Variants in KLHDC8A observed in about 807,000 individuals in gnomAD.
KLHDC8A encodes the protein kelch domain-containing protein 8A.
KLHDC8A carries 21 observed loss-of-function variants against 33.1 expected under a neutral mutation model. The observed-to-expected ratio is 0.64, with a 90% CI of 0.45 to 0.91. KLHDC8A has a LOEUF of 0.91. KLHDC8A is among the 40% of genes least tolerant of loss of function. KLHDC8A has a pLI of 0.00. For synonymous variants in KLHDC8A, 173 were observed against 193.5 expected, an observed-to-expected ratio of 0.89 and a Z score of 0.88; for missense variants, 435 against 483.3, an observed-to-expected ratio of 0.90 and a Z score of 0.94.
chr1:205,349,765 C>A (rs370405640), intron 1 of KLHDC8A, among the ~76,000 whole-genome samples: 1 of 152,196 alleles, frequency 6.6e-6, no homozygotes, highest in African/African-American at 2.4e-5. Flanking sequence ...GGCCACGGAG[C>A]TGCCTCCTGT....
In KLHDC8A at chr1:205,343,469, T is replaced by C. The variant is rs1558686368; in HGVS notation, c.136A>G (p.Met46Val). The C allele has an allele frequency of 1.2e-6, 2 of 1,613,546 alleles. No homozygotes were observed. The highest frequency in any genetic ancestry group is 8.5e-7 in the Non-Finnish European group (1 of 1,179,878). Residue 46 changes from methionine to valine, a missense_variant, in exon 2 of 6, where the codon ATG becomes GTG. Met to Val is a conservative substitution (Grantham distance 21, BLOSUM62 1). Transcript: ENST00000367155. Reference protein sequence around the residue: ...IGGCDDNGVPMDCFEVYSPEA... With the variant: ...IGGCDDNGVPVDCFEVYSPEA... Reference sequence around the variant, plus strand: ...GGGGAGTAGACCTCGAAGCAGTCCATGGGGACGCCGTTGTCGTCACATCCC... The same window carrying C: ...GGGGAGTAGACCTCGAAGCAGTCCACGGGGACGCCGTTGTCGTCACATCCC...
chr1:205,356,623 T>C lies in KLHDC8A; in HGVS notation c.-280A>G, dbSNP rs911128755. 1 of 455,776 alleles carries C rather than the reference T, an allele frequency of 2.2e-6. No individual in the cohort carries two copies. The highest frequency in any genetic ancestry group is 7.0e-5 in the East Asian group (1 of 14,386). 28.2% of individuals were successfully genotyped at this position (455,776 alleles called of 1,614,324 possible). On this transcript the variant is annotated 5_prime_UTR_variant, in exon 1 of 6. Transcript: ENST00000367155. ...GGGAGAGGGTCGAGCGGGTGTTGGC[T>C]CTGAGGCTTGTCCTAGGAGCTGGCT...
chr1:205,355,992 T>G (rs1052934121), intron 1 of KLHDC8A, among the ~76,000 whole-genome samples: 43 of 152,166 alleles, frequency 2.8e-4, no homozygotes, highest in African/African-American at 1.0e-3. Context: ...AAGGGTGTAT[T>G]TCGTGTTGCT....
intron 1 of KLHDC8A, among the ~76,000 whole-genome samples, chr1:205,352,299 G>A (rs755268512): frequency 1.4e-4 from 22 of 152,132 alleles, no homozygotes; most frequent in Non-Finnish European, 2.1e-4. Flanking sequence ...CAGGTCACTG[G>A]GGCAGGACCT....
At chr1:205,352,400 C>T (rs185510992) in intron 1 of KLHDC8A, among the ~76,000 whole-genome samples, 174 of 152,272 alleles carry the variant, frequency 1.1e-3, no homozygotes, top group Non-Finnish European at 2.2e-3. Flanking sequence ...CACATACACA[C>T]ACCCCTTGTT....
chr1:205,346,270 C>T (rs1662944326), intron 1 of KLHDC8A, among the ~76,000 whole-genome samples: 1 of 152,188 alleles, frequency 6.6e-6, no homozygotes, highest in Non-Finnish European at 1.5e-5. Flanking sequence ...CTAGGAGTCT[C>T]TATCTGCCTG....
rs946358017 is a variant in KLHDC8A at position 205,353,749 on chromosome 1, G to A, written c.-190+2784C>T. Among the ~76,000 whole-genome samples the A allele has an allele frequency of 5.9e-5, 9 of 152,090 alleles. 1 individual carries two copies. Among genetic ancestry groups the A allele is most frequent in the Admixed American group, 3.3e-4 (5 of 15,256 alleles). ...CACCGTGGCAATGTTAAGTTGACAC[G>A]GCAATATCTAGTGGCAATAAAAGGA... On this transcript the variant is annotated intron_variant, in intron 1 of 5. Coordinates refer to ENST00000367155, the MANE Select transcript of KLHDC8A (RefSeq NM_018203.3).
chr1:205,337,646 G>A (rs1662672881), intron 5 of KLHDC8A, 54 bp from the exon 6 acceptor site: 1 of 1,389,820 alleles, frequency 7.2e-7, no homozygotes, highest in Non-Finnish European at 1.0e-6. Context: ...ACCAATCCAT[G>A]CCCCACGGTC....
At chr1:205,350,395 G>A (rs1463057572) in intron 1 of KLHDC8A, among the ~76,000 whole-genome samples, 2 of 152,254 alleles carry the variant, frequency 1.3e-5, no homozygotes, top group Middle Eastern at 3.4e-3. Flanking sequence ...AAGAGCTCAG[G>A]TCATCCCGAC....
chr1:205,343,979 C>G (rs1293480000), intron 1 of KLHDC8A, among the ~76,000 whole-genome samples, 186 bp from the exon 2 acceptor site: 2 of 152,198 alleles, frequency 1.3e-5, no homozygotes, highest in African/African-American at 4.8e-5. Flanking sequence ...TGCTCGGACA[C>G]TGCCGAAGCA....
Position 205,343,532 on chromosome 1 carries a change from A to G in KLHDC8A, c.73T>C (p.Ser25Pro). Reference sequence around the variant, plus strand: ...ACCTGGCCCCCGGTCTCCAGCAGGGAGCAGTAGACCCGGCGGCTGGGCAGT... The same window carrying G: ...ACCTGGCCCCCGGTCTCCAGCAGGGGGCAGTAGACCCGGCGGCTGGGCAGT... ...APLPSRRVYC[S>P]LLETGGQVYA... is the part of the protein sequence containing the mutation. The change falls in exon 2 of 6, where the codon TCC (serine) becomes CCC (proline). Residue 25 changes from serine to proline, a missense_variant. Ser to Pro is a moderately conservative substitution (Grantham distance 74). Transcript: ENST00000367155. 6.2e-7 allele frequency: 1 copy of G among 1,613,018 alleles called. No individual in the cohort carries two copies. The highest frequency in any genetic ancestry group is 8.5e-7 in the Non-Finnish European group (1 of 1,179,664).
At chr1:205,352,549 C>T (rs528051553) in intron 1 of KLHDC8A, among the ~76,000 whole-genome samples, 31 of 152,200 alleles carry the variant, frequency 2.0e-4, no homozygotes, top group Non-Finnish European at 3.7e-4. Context: ...TGCCATCTGG[C>T]GTGCTGACCT....
In KLHDC8A at chr1:205,343,229, C is replaced by T; in HGVS notation, c.376G>A (p.Asp126Asn). Residue 126 changes from aspartate (D) to asparagine (N), a missense_variant and splice_region_variant, in exon 2 of 6, where the codon GAT (aspartate) becomes AAT (asparagine). Transcript: ENST00000367155. ...CGCCCTCAGCCCTGGCCCCACTTGC[C>T]TTTGGCCGTGACAGAAATGCCCATG... ...AAMGISVTAKDYRVYAAGGMG... is the reference protein window; with the variant it reads ...AAMGISVTAKNYRVYAAGGMG... 1.3e-6 allele frequency: 2 copies of T among 1,583,380 alleles called. No individual in the cohort carries two copies. The highest frequency in any genetic ancestry group is 2.3e-5 in the East Asian group (1 of 44,316).
At chr1:205,353,012 T>C (rs1663161649) in intron 1 of KLHDC8A, among the ~76,000 whole-genome samples, 1 of 152,214 alleles carries the variant, frequency 6.6e-6, no homozygotes, top group African/African-American at 2.4e-5. Context: ...TCCTCTCTAG[T>C]CCTGGCCCAG....
chr1:205,355,971 A>T (rs1663256146), intron 1 of KLHDC8A, among the ~76,000 whole-genome samples: 3 of 152,196 alleles, frequency 2.0e-5, no homozygotes, highest in Admixed American at 2.0e-4. Flanking sequence ...GCATGTGCGC[A>T]GGTTTGTCAC....
intron 1 of KLHDC8A, among the ~76,000 whole-genome samples, chr1:205,347,173 T>C (rs1160251739): frequency 6.6e-6 from 1 of 152,210 alleles, no homozygotes; most frequent in Non-Finnish European, 1.5e-5. Context: ...GCTTGTAACC[T>C]AGCAACTGCC....
rs755513077 is a variant in KLHDC8A, at chr1:205,337,491, T to G, written c.961A>C (p.Ser321Arg). 6.2e-6 allele frequency: 10 copies of G among 1,613,950 alleles called. No homozygotes were observed. Among genetic ancestry groups the G allele is most frequent in the Non-Finnish European group, 8.5e-6 (10 of 1,179,988 alleles). Residue 321 changes from serine to arginine, a missense_variant, in exon 6 of 6, where the codon AGC becomes CGC. Coordinates refer to ENST00000367155, the MANE Select transcript of KLHDC8A (RefSeq NM_018203.3). ...AGGAGGCAGTTCTTGACGACTATGC[T>G]GGAGCAGGCACAGCGGGGTGTGGGC... ...AMPTPRCACSSIVVKNCLLAV... is the reference protein window; with the variant it reads ...AMPTPRCACSRIVVKNCLLAV...
rs1558689808 is a variant in KLHDC8A at position 205,350,811 on chromosome 1, A to ATGTGTGTGTGTGTGCATGCG, written c.-190+5721_-190+5722insCGCATGCACACACACACACA. Among the ~76,000 whole-genome samples, 5 of 150,966 alleles carry ATGTGTGTGTGTGTGCATGCG rather than the reference A, an allele frequency of 3.3e-5. No individual in the cohort carries two copies. The South Asian group carries it at 8.4e-4, about 25-fold the overall frequency. Reference sequence around the variant, plus strand: ...TGATGGCGTGCGTGCCTGTGTGTGCATGTGTGTGTGTGCATGCATGTGTGT... The same window carrying ATGTGTGTGTGTGTGCATGCG: ...TGATGGCGTGCGTGCCTGTGTGTGCATGTGTGTGTGTGTGCATGCGTGTGTGTGTGTGCATGCATGTGTGT... On this transcript the variant is annotated intron_variant, in intron 1 of 5. Transcript: ENST00000367155.
chr1:205,351,709 G>A (rs61824163), intron 1 of KLHDC8A, among the ~76,000 whole-genome samples: 3 of 151,248 alleles, frequency 2.0e-5, no homozygotes, highest in Non-Finnish European at 4.4e-5. Flanking sequence ...ACCTGAGGTC[G>A]GGAGTTTGAG....
Sources: gnomAD v4.1 joint callset for allele counts (sites outside exome capture counted in the v4.1 genomes callset) on GRCh38, gnomAD v4.1.1 for gene constraint, MANE v1.5 for transcripts, NCBI Gene and HGNC (gene_info 2026-07-23, HGNC 2026-07-21) for gene names.